FMNL2: variants seen among roughly 807,000 people sequenced by gnomAD.
FMNL2 encodes the protein formin like 2, also known as formin-like protein 2.
FMNL2 carries 51 observed loss-of-function variants against 130.2 expected under a neutral mutation model. The observed-to-expected ratio is 0.39, with a 90% CI of 0.31 to 0.49. The LOEUF (loss-of-function observed/expected upper bound fraction) is 0.49, where lower values mean the gene tolerates loss of function less well. Ranked by LOEUF, FMNL2 falls within the 20% of genes least tolerant of loss-of-function variation. The pLI, the probability that FMNL2 is intolerant of heterozygous loss-of-function variation, is 0.85. For missense variants in FMNL2, 977 were observed against 1,316.2 expected (o/e 0.74, Z 3.99); for synonymous variants, 465 against 467.1 (o/e 1.00, Z 0.06).
intron 1 of FMNL2, among the ~76,000 whole-genome samples, chr2:152,436,639 A>G (rs1408969643): frequency 6.6e-6 from 1 of 152,088 alleles, no homozygotes; most frequent in African/African-American, 2.4e-5. Flanking sequence ...GCCTATGAAA[A>G]AGAGAGGATG....
At chr2:152,572,596 G>A (rs1043588362) in intron 6 of FMNL2, among the ~76,000 whole-genome samples, 1 of 151,220 alleles carries the variant, frequency 6.6e-6, no homozygotes, top group African/African-American at 2.4e-5. Context: ...TACCCACCTG[G>A]GCAACAGAGC....
chr2:152,354,273 G>C (rs966857911), intron 1 of FMNL2, among the ~76,000 whole-genome samples: 2 of 152,038 alleles, frequency 1.3e-5, no homozygotes, highest in African/African-American at 4.8e-5. Flanking sequence ...AGTTTTGTTT[G>C]GCTCCAGCTC....
intron 9 of FMNL2, among the ~76,000 whole-genome samples, chr2:152,604,657 A>G (rs7558989): frequency 0.12 from 18,448 of 151,732 alleles, 1,912 homozygotes; most frequent in African/African-American, 0.28. Context: ...ATGCAGTGGT[A>G]TGATCTCGGC....
intron 1 of FMNL2, among the ~76,000 whole-genome samples, chr2:152,336,093 AAAAC>A (rs1157956094): frequency 0.046 from 2,732 of 59,762 alleles, 76 homozygotes; most frequent in African/African-American, 0.17. Context: ...TTTTTTAAAA[AAAAC>A]AAAACAAAAC....
rs1697733223 is a variant in FMNL2 at position 152,595,748 on chromosome 2, A to G, written c.877-11591A>G. On this transcript the variant is annotated intron_variant, in intron 9 of 25. Coordinates refer to ENST00000288670, the MANE Select transcript of FMNL2 (RefSeq NM_052905.4). ...ATATTTTTTTTCCCATGCGGAGGAGATCTCTTTCTGTCCCTTTCCCATATT... is the reference window on the plus strand; with the variant it reads ...ATATTTTTTTTCCCATGCGGAGGAGGTCTCTTTCTGTCCCTTTCCCATATT... 2.0e-5 allele frequency among the ~76,000 whole-genome samples: 3 copies of G among 151,984 alleles called. No homozygotes were observed. The South Asian group carries it at 6.2e-4, about 32-fold the overall frequency.
intron 25 of FMNL2, among the ~76,000 whole-genome samples, chr2:152,641,944 ATTTCT>A (rs1159196810): frequency 4.8e-5 from 3 of 63,062 alleles, no homozygotes; most frequent in Non-Finnish European, 9.0e-5. Context: ...TTGATGTCTC[ATTTCT>A]TTTTTTTTTT....
intron 9 of FMNL2, among the ~76,000 whole-genome samples, chr2:152,603,795 A>G (rs1698217130): frequency 6.6e-6 from 1 of 150,892 alleles, no homozygotes; most frequent in Non-Finnish European, 1.5e-5. Flanking sequence ...CGGCATTCCT[A>G]TGATATCCAA....
At chr2:152,464,625 A>G (rs991418706) in intron 1 of FMNL2, among the ~76,000 whole-genome samples, 1 of 152,208 alleles carries the variant, frequency 6.6e-6, no homozygotes, top group African/African-American at 2.4e-5. Context: ...ATAACCTTGG[A>G]TCTCAGTGTA....
chr2:152,518,064 A>G (rs1441840683), intron 1 of FMNL2, among the ~76,000 whole-genome samples: 2 of 152,250 alleles, frequency 1.3e-5, no homozygotes, highest in African/African-American at 2.4e-5. Context: ...CTCACACAGT[A>G]ACTTGGACTC....
intron 20 of FMNL2, among the ~76,000 whole-genome samples, chr2:152,631,581 C>T (rs1682172583): frequency 1.3e-5 from 2 of 151,896 alleles, no homozygotes; most frequent in South Asian, 2.1e-4. Flanking sequence ...GGGAATGGCA[C>T]GTGCGAGGTT....
rs918107151 is a variant in FMNL2, at chr2:152,353,734, C to T, written c.117+18014C>T. Among the ~76,000 whole-genome samples the T allele has an allele frequency of 2.0e-5, 3 of 152,168 alleles. No individual in the cohort carries two copies. The South Asian group carries it at 6.2e-4, about 31-fold the overall frequency. ...CAAGTTGTGGCAGTCAGGTAAGCAC[C>T]TCACAAGAAGTGGTTGTTCTGATTA... On this transcript the variant is annotated intron_variant, in intron 1 of 25. Coordinates refer to ENST00000288670, the MANE Select transcript of FMNL2 (RefSeq NM_052905.4).
intron 1 of FMNL2, among the ~76,000 whole-genome samples, chr2:152,355,465 G>A (rs1341249745): frequency 6.6e-6 from 1 of 152,096 alleles, no homozygotes; most frequent in Non-Finnish European, 1.5e-5. Context: ...CCCTGCTTTA[G>A]GAGTAATTTT....
chr2:152,646,508 G>C (rs1474978809), intron 25 of FMNL2, among the ~76,000 whole-genome samples: 1 of 151,006 alleles, frequency 6.6e-6, no homozygotes, highest in African/African-American at 2.4e-5. Flanking sequence ...AGATCTTCCA[G>C]TTTTTCAAAA....
chr2:152,481,069 A>G (rs1690492567), intron 1 of FMNL2, among the ~76,000 whole-genome samples: 2 of 152,256 alleles, frequency 1.3e-5, no homozygotes, highest in South Asian at 4.1e-4. Context: ...GTGCTTGTGC[A>G]TAGTCATTCT....
At chr2:152,402,330 A>G (rs762607573) in intron 1 of FMNL2, among the ~76,000 whole-genome samples, 1 of 152,194 alleles carries the variant, frequency 6.6e-6, no homozygotes, top group African/African-American at 2.4e-5. Context: ...TGCATGAAGT[A>G]TCTTTCCTTA....
chr2:152,370,309 C>A (rs1363994600), intron 1 of FMNL2, among the ~76,000 whole-genome samples: 1 of 152,066 alleles, frequency 6.6e-6, no homozygotes, highest in Non-Finnish European at 1.5e-5. Context: ...CTAGGAAGCT[C>A]CCCGGGGTCT....
At chr2:152,636,695 G>C in intron 22 of FMNL2, 105 bp downstream of exon 22, 2 of 1,312,492 alleles carry the variant, frequency 1.5e-6, no homozygotes, top group Non-Finnish European at 2.0e-6. Flanking sequence ...CCCTCTGTTT[G>C]TGGAGGGTAG....
chr2:152,337,743 A>G (rs1352724607), intron 1 of FMNL2, among the ~76,000 whole-genome samples: 3 of 152,146 alleles, frequency 2.0e-5, no homozygotes, highest in Admixed American at 1.3e-4. Context: ...TGTCGCAGTT[A>G]CTGGGTGCAA....
intron 1 of FMNL2, among the ~76,000 whole-genome samples, chr2:152,355,571 T>C (rs1682735437): frequency 6.6e-6 from 1 of 152,204 alleles, no homozygotes. Flanking sequence ...GAAACTCCCA[T>C]GAAGTTCAAA....
Sources: gnomAD v4.1 joint callset for allele counts (sites outside exome capture counted in the v4.1 genomes callset) on GRCh38, gnomAD v4.1.1 for gene constraint, MANE v1.5 for transcripts, NCBI Gene and HGNC (gene_info 2026-07-23, HGNC 2026-07-21) for gene names.